The following ZKSCAN3 variants were observed in gnomAD, a reference collection of about 807,000 sequenced individuals.
ZKSCAN3 encodes the protein zinc finger with KRAB and SCAN domains 3.
In ZKSCAN3, 21 loss-of-function variants were observed where a neutral mutation model predicts 30.7. That is an observed-to-expected ratio of 0.68 (90% CI 0.49 to 0.99). The LOEUF is 0.99. Among genes scored for constraint, ZKSCAN3 ranks in the 50% least tolerant of loss-of-function variants. The probability of loss-of-function intolerance (pLI) is 0.00; values close to 1 mark genes in which losing one functional copy is unlikely to be tolerated. For synonymous variants in ZKSCAN3, 201 were observed against 246.7 expected (o/e 0.81, Z 1.73); for missense variants, 507 against 647.1 (o/e 0.78, Z 2.35).
intron 3 of ZKSCAN3, among the ~76,000 whole-genome samples, chr6:28,362,099 G>A (rs1765793006): frequency 6.6e-6 from 1 of 152,190 alleles, no homozygotes; most frequent in South Asian, 2.1e-4. Context: ...CCACACTTGT[G>A]TATACCAGCT....
intron 5 of ZKSCAN3, among the ~76,000 whole-genome samples, chr6:28,364,718 G>A (rs943786436): frequency 6.6e-6 from 1 of 152,008 alleles, no homozygotes; most frequent in Non-Finnish European, 1.5e-5. Context: ...CACTTTCGCT[G>A]TTTCGTTTAT....
chr6:28,365,406 C>A lies in ZKSCAN3; in HGVS notation c.758-20C>A. On this transcript the variant is annotated intron_variant, in intron 5 of 5. Coordinates refer to ENST00000252211, the MANE Select transcript of ZKSCAN3 (RefSeq NM_024493.4). ...CCTTCCATGGCATAAGCCACAGTTGCCAGTTATTTGTTGTTTCAGGTGATG... is the reference window on the plus strand; with the variant it reads ...CCTTCCATGGCATAAGCCACAGTTGACAGTTATTTGTTGTTTCAGGTGATG... 1 of 1,588,084 alleles carries A rather than the reference C, an allele frequency of 6.3e-7. No individual in the cohort carries two copies.
chr6:28,355,517 A>G (rs1765367826), intron 1 of ZKSCAN3: 1 of 152,212 alleles, frequency 6.6e-6, no homozygotes. Flanking sequence ...AGCCCCAGTC[A>G]AAACTATCTG....
At position 28,366,115 on chromosome 6, in the gene ZKSCAN3, A is replaced by G; in HGVS notation, c.1447A>G (p.Asn483Asp). 5.6e-6 allele frequency: 9 copies of G among 1,609,418 alleles called. No individual in the cohort carries two copies. Among genetic ancestry groups the G allele is most frequent in the Non-Finnish European group, 7.6e-6 (9 of 1,178,452 alleles). ...NVETPMSYKC[N>D]ECERSFTQNT... ...TGAAACTCCCATGTCTTATAAATGT[A>G]ATGAGTGTGAAAGAAGTTTCACTCA... The change falls in exon 6 of 6, where the codon AAT becomes GAT. Residue 483 changes from asparagine (N) to aspartate (D), a missense_variant. Asn to Asp is a conservative substitution (Grantham distance 23, BLOSUM62 1). Transcript: ENST00000252211.
intron 1 of ZKSCAN3, among the ~76,000 whole-genome samples, chr6:28,352,531 G>T (rs758397): frequency 0.088 from 13,344 of 152,176 alleles, 833 homozygotes; most frequent in East Asian, 0.3. Context: ...TTACAGGTGT[G>T]AGCCACTGCA....
At position 28,363,698 on chromosome 6, in the gene ZKSCAN3, T is replaced by C. The variant is rs1214085160; in HGVS notation, c.640T>C (p.Leu214=). Residue 214 remains leucine, a synonymous_variant, in exon 5 of 6, where the codon TTG becomes CTG. Coordinates refer to ENST00000252211, the MANE Select transcript of ZKSCAN3 (RefSeq NM_024493.4). Reference sequence around the variant, plus strand: ...GGATTACCTATTGTTTTAGGGGTTGTTGAAAGTGGAAGATGTGGCCCTGAC... The same window carrying C: ...GGATTACCTATTGTTTTAGGGGTTGCTGAAAGTGGAAGATGTGGCCCTGAC... The part of the protein sequence containing the change: ...SRLTPESQGL[L]KVEDVALTLT... The C allele has an allele frequency of 6.2e-7, 1 of 1,614,038 alleles. No homozygotes were observed. Among genetic ancestry groups the C allele is most frequent in the South Asian group, 1.1e-5 (1 of 91,082 alleles).
At chr6:28,363,914 TG>T (rs1226935826) in intron 5 of ZKSCAN3, 99 bp downstream of exon 5, 2 of 1,464,126 alleles carry the variant, frequency 1.4e-6, no homozygotes, top group African/African-American at 2.8e-5. Flanking sequence ...CTGTTATGTT[TG>T]GATTCACAAT....
chr6:28,353,841 C>T, intron 1 of ZKSCAN3: 1 of 457,130 alleles, frequency 2.2e-6, no homozygotes, highest in South Asian at 1.5e-5. Flanking sequence ...TACTATTAGC[C>T]AACATGTATA....
chr6:28,360,641 C>A (rs1765714831), intron 2 of ZKSCAN3: 1 of 985,268 alleles, frequency 1.0e-6, no homozygotes, highest in African/African-American at 1.7e-5. Flanking sequence ...TCCCTGTGCA[C>A]ACACCCTCAG....
intron 1 of ZKSCAN3, among the ~76,000 whole-genome samples, chr6:28,357,301 C>T (rs1012578408): frequency 1.3e-5 from 2 of 152,208 alleles, no homozygotes; most frequent in African/African-American, 4.8e-5. Context: ...TTACTTAATG[C>T]TTACAATGGC....
At chr6:28,365,356 T>C (rs1765918254) in intron 5 of ZKSCAN3, 70 bp from the exon 6 acceptor site, 1 of 1,530,254 alleles carries the variant, frequency 6.5e-7, no homozygotes, top group African/African-American at 1.4e-5. Flanking sequence ...AATTCTTGCC[T>C]CCCTGGTACT....
chr6:28,361,299 G>T, intron 2 of ZKSCAN3, 25 bp from the exon 3 acceptor site: 1 of 1,607,864 alleles, frequency 6.2e-7, no homozygotes, highest in East Asian at 2.2e-5. Context: ...ATGAAAACAT[G>T]AAAATAAGAA....
Position 28,359,779 on chromosome 6 carries a change from A to G in ZKSCAN3, c.193A>G (p.Ser65Gly), listed in dbSNP as rs1376434640. 6.2e-7 allele frequency: 1 copy of G among 1,614,218 alleles called. No homozygotes were observed. Among genetic ancestry groups the G allele is most frequent in the South Asian group, 1.1e-5 (1 of 91,084 alleles). Reference protein sequence around the residue: ...PEAAGPREALSRLRELCRQWL... With the variant: ...PEAAGPREALGRLRELCRQWL... ...GGCTGCAGGCCCCCGCGAGGCGCTG[A>G]GTCGGCTCCGAGAGCTCTGCCGACA... The change falls in exon 2 of 6, where the codon AGT (serine) becomes GGT (glycine). Residue 65 changes from serine (S) to glycine (G), a missense_variant. Ser to Gly is a moderately conservative substitution (Grantham distance 56). Transcript: ENST00000252211.
chr6:28,364,847 C>T (rs1233544800), intron 5 of ZKSCAN3, among the ~76,000 whole-genome samples: 5 of 152,120 alleles, frequency 3.3e-5, no homozygotes, highest in Non-Finnish European at 7.4e-5. Flanking sequence ...CCTGCCTCAG[C>T]CTCCTGAGTA....
In ZKSCAN3 at chr6:28,359,554, T is replaced by C; in HGVS notation, c.-33T>C. ...CTTCTGCAGAAATAGCGCTGGAAGC[T>C]AGAGTGAGGCCTGAGTACTGCCTTG... On this transcript the variant is annotated 5_prime_UTR_variant, in exon 2 of 6. Coordinates refer to ENST00000252211, the MANE Select transcript of ZKSCAN3 (RefSeq NM_024493.4). 6.3e-7 allele frequency: 1 copy of C among 1,593,952 alleles called. No homozygotes were observed. Among genetic ancestry groups the C allele is most frequent in the Non-Finnish European group, 8.6e-7 (1 of 1,168,492 alleles).
chr6:28,359,513 C>G lies in ZKSCAN3; in HGVS notation c.-62-12C>G. Reference sequence around the variant, plus strand: ...CAAGTTTACTGGTTAATAATGATTTCCCACCTTTCAGGGATCTTCTGCAGA... The same window carrying G: ...CAAGTTTACTGGTTAATAATGATTTGCCACCTTTCAGGGATCTTCTGCAGA... On this transcript the variant is annotated splice_polypyrimidine_tract_variant and intron_variant, in intron 1 of 5. Transcript: ENST00000252211. The G allele has an allele frequency of 6.5e-7, 1 of 1,544,798 alleles. No homozygotes were observed. Among genetic ancestry groups the G allele is most frequent in the Non-Finnish European group, 8.7e-7 (1 of 1,144,170 alleles).
intron 1 of ZKSCAN3, chr6:28,350,334 A>T (rs1359679147): frequency 6.6e-6 from 1 of 152,272 alleles, no homozygotes; most frequent in Non-Finnish European, 1.5e-5. Flanking sequence ...CATGGGTCAC[A>T]TAGACAAGCC....
chr6:28,350,381 G>C (rs1349448282), intron 1 of ZKSCAN3: 1 of 152,194 alleles, frequency 6.6e-6, no homozygotes, highest in Non-Finnish European at 1.5e-5. Context: ...GCACTGCCTG[G>C]TAACAAGGTC....
intron 1 of ZKSCAN3, among the ~76,000 whole-genome samples, chr6:28,358,796 A>G (rs1239990573): frequency 1.3e-5 from 2 of 151,774 alleles, no homozygotes; most frequent in Non-Finnish European, 2.9e-5. Flanking sequence ...AGGCAGAAGA[A>G]TCTTTTGAAC....
Sources: gnomAD v4.1 joint callset for allele counts (sites outside exome capture counted in the v4.1 genomes callset) on GRCh38, gnomAD v4.1.1 for gene constraint, MANE v1.5 for transcripts, NCBI Gene and HGNC (gene_info 2026-07-23, HGNC 2026-07-21) for gene names.